The following PCDHGB3 variants were observed in gnomAD, a reference collection of about 807,000 sequenced individuals.
PCDHGB3 encodes protocadherin gamma subfamily B, 3, also known as protocadherin gamma-B3.
In PCDHGB3, 40 loss-of-function variants were observed where a neutral mutation model predicts 59.2. That is an observed-to-expected ratio of 0.68 (90% CI 0.52 to 0.88). The LOEUF (loss-of-function observed/expected upper bound fraction) is 0.88, where lower values mean the gene tolerates loss of function less well. Among genes scored for constraint, PCDHGB3 ranks in the 40% least tolerant of loss-of-function variants. The pLI is 0.00. For synonymous variants in PCDHGB3, 581 were observed against 503.6 expected, an observed-to-expected ratio of 1.15 and a Z score of -2.06; for missense variants, 1,309 against 1,187.9, an observed-to-expected ratio of 1.10 and a Z score of -1.50.
intron 1 of PCDHGB3, among the ~76,000 whole-genome samples, chr5:141,447,375 T>C (rs1431576261): frequency 6.6e-6 from 1 of 152,030 alleles, no homozygotes; most frequent in African/African-American, 2.4e-5. Context: ...CTGACCCTGG[T>C]GATCTGCCCA....
intron 1 of PCDHGB3, among the ~76,000 whole-genome samples, chr5:141,445,248 T>C (rs1264046214): frequency 6.6e-6 from 1 of 152,224 alleles, no homozygotes; most frequent in African/African-American, 2.4e-5. Flanking sequence ...CACTATATTG[T>C]GTGAGAATAT....
In PCDHGB3 at chr5:141,413,494, G is replaced by A. The variant is rs778441176; in HGVS notation, c.2415+40685G>A. The A allele has an allele frequency of 2.5e-5, 41 of 1,613,924 alleles. No homozygotes were observed. Among genetic ancestry groups the A allele is most frequent in the Non-Finnish European group, 3.1e-5 (37 of 1,179,948 alleles). On this transcript the variant is annotated intron_variant, in intron 1 of 3. Transcript: ENST00000576222. Reference sequence around the variant, plus strand: ...GCTCTGCGCTCAGAGCGCGCGGTGCGTGGTGAGTTTTAATATCCTTGTGGA... The same window carrying A: ...GCTCTGCGCTCAGAGCGCGCGGTGCATGGTGAGTTTTAATATCCTTGTGGA...
chr5:141,374,427 A>G, intron 1 of PCDHGB3: 3 of 1,613,980 alleles, frequency 1.9e-6, no homozygotes, highest in Non-Finnish European at 2.5e-6. Context: ...GATAAACTGA[A>G]TCTTTATCCC....
At position 141,394,009 on chromosome 5, in the gene PCDHGB3, G is replaced by C. The variant is rs1554094356; in HGVS notation, c.2415+21200G>C. The C allele has an allele frequency of 1.2e-6, 2 of 1,613,394 alleles. No homozygotes were observed. Among genetic ancestry groups the C allele is most frequent in the Admixed American group, 3.3e-5 (2 of 59,950 alleles). On this transcript the variant is annotated intron_variant, in intron 1 of 3. Coordinates refer to ENST00000576222, the MANE Select transcript of PCDHGB3 (RefSeq NM_018924.5). ...CCTTTTAAATTAGAAAAGTCAATAG[G>C]TAATTATTATAGATTAGTGACAAGG... is the stretch of plus-strand genomic sequence containing the variant.
At chr5:141,379,501 T>C (rs969965140) in intron 1 of PCDHGB3, 7 of 152,268 alleles carry the variant, frequency 4.6e-5, no homozygotes, top group Non-Finnish European at 8.8e-5. Context: ...CAATTTGGGA[T>C]GTTAAACTAC....
intron 1 of PCDHGB3, chr5:141,393,493 G>A (rs1034199960): frequency 6.2e-7 from 1 of 1,614,046 alleles, no homozygotes; most frequent in Non-Finnish European, 8.5e-7. Context: ...AGCACAGTGC[G>A]CATCCACGTG....
chr5:141,437,628 T>C (rs2097897572), intron 1 of PCDHGB3, among the ~76,000 whole-genome samples: 1 of 152,212 alleles, frequency 6.6e-6, no homozygotes, highest in African/African-American at 2.4e-5. Context: ...CCATATAAGA[T>C]GTCAGGTTCA....
At chr5:141,500,667 TC>T (rs1032555959) in intron 2 of PCDHGB3, among the ~76,000 whole-genome samples, 26 of 152,194 alleles carry the variant, frequency 1.7e-4, no homozygotes, top group African/African-American at 6.0e-4. Flanking sequence ...GGCCATACTG[TC>T]CAACAGAATT....
chr5:141,384,719 T>A (rs758469916), intron 1 of PCDHGB3: 1 of 1,614,100 alleles, frequency 6.2e-7, no homozygotes, highest in Non-Finnish European at 8.5e-7. Context: ...CTGTCATACC[T>A]CCTGCTTAAG....
At position 141,400,132 on chromosome 5, in the gene PCDHGB3, C is replaced by T. The variant is rs762060556; in HGVS notation, c.2415+27323C>T. 6.3e-5 allele frequency: 101 copies of T among 1,613,964 alleles called. No individual in the cohort carries two copies. The highest frequency in any genetic ancestry group is 8.4e-5 in the Non-Finnish European group (99 of 1,179,904). On this transcript the variant is annotated intron_variant, in intron 1 of 3. Coordinates refer to ENST00000576222, the MANE Select transcript of PCDHGB3 (RefSeq NM_018924.5). ...TGCTGACAGCTTGCAGGAGGTGCTG[C>T]CGGATATCACTGACCGCCCTGTACC...
At chr5:141,462,542 T>C (rs910054469) in intron 1 of PCDHGB3, among the ~76,000 whole-genome samples, 1 of 152,222 alleles carries the variant, frequency 6.6e-6, no homozygotes, top group Non-Finnish European at 1.5e-5. Flanking sequence ...AGTGATCTTT[T>C]CTTCTTCAGT....
chr5:141,414,855 C>G, intron 1 of PCDHGB3: 1 of 1,614,238 alleles, frequency 6.2e-7, no homozygotes, highest in South Asian at 1.1e-5. Flanking sequence ...TGGACCAGAA[C>G]GACAATGCGC....
intron 1 of PCDHGB3, chr5:141,428,296 AT>A: frequency 1.4e-6 from 1 of 713,574 alleles, no homozygotes; most frequent in Non-Finnish European, 2.5e-6. Flanking sequence ...AAAGCTGCAG[AT>A]TTACCTGGTC....
chr5:141,378,077 T>A (rs955421264), intron 1 of PCDHGB3: 1 of 152,136 alleles, frequency 6.6e-6, no homozygotes, highest in Non-Finnish European at 1.5e-5. Flanking sequence ...AGAAAATAAT[T>A]TTATAACTTT....
At chr5:141,437,011 T>C (rs2097858173) in intron 1 of PCDHGB3, among the ~76,000 whole-genome samples, 1 of 152,236 alleles carries the variant, frequency 6.6e-6, no homozygotes, top group Non-Finnish European at 1.5e-5. Flanking sequence ...GGATCTTAGA[T>C]AATTTCACCA....
At chr5:141,376,047 C>G (rs778307171) in intron 1 of PCDHGB3, 2 of 1,613,296 alleles carry the variant, frequency 1.2e-6, no homozygotes, top group South Asian at 2.2e-5. Flanking sequence ...CCCCCTCTCT[C>G]CGCCACTGTC....
intron 1 of PCDHGB3, chr5:141,375,942 G>A (rs1772069544): frequency 1.2e-6 from 2 of 1,613,400 alleles, no homozygotes; most frequent in African/African-American, 2.7e-5. Flanking sequence ...TTCTCAGTGG[G>A]CCTGCACACG....
rs1403163275 is a variant in PCDHGB3 at position 141,441,708 on chromosome 5, A to T, written c.2416-53099A>T. ...AGAGCAGCCGCGAGCCTTCAAGCTC[A>T]CGCTGCAGGCCCGCGACCAGGACTA... On this transcript the variant is annotated intron_variant, in intron 1 of 3. Coordinates refer to ENST00000576222, the MANE Select transcript of PCDHGB3 (RefSeq NM_018924.5). 2.8e-5 allele frequency: 9 copies of T among 319,492 alleles called. No homozygotes were observed. In the East Asian group the frequency reaches 1.0e-3, roughly 37 times the overall value. 19.8% of individuals were successfully genotyped at this position (319,492 alleles called of 1,614,324 possible).
chr5:141,398,689 G>A (rs6867460), intron 1 of PCDHGB3: 228,699 of 1,613,720 alleles, frequency 0.14, 18,438 homozygotes, highest in African/African-American at 0.32. Context: ...GAAACAGGAT[G>A]GTAGTAAATA....
Sources: gnomAD v4.1 joint callset for allele counts (sites outside exome capture counted in the v4.1 genomes callset) on GRCh38, gnomAD v4.1.1 for gene constraint, MANE v1.5 for transcripts, NCBI Gene and HGNC (gene_info 2026-07-23, HGNC 2026-07-21) for gene names.